TENM3: variants seen among roughly 807,000 people sequenced by gnomAD.
TENM3 encodes teneurin transmembrane protein 3.
A neutral mutation model predicts 255.1 loss-of-function variants in TENM3; 63 were observed. The ratio of observed to expected loss-of-function variants is 0.25; its 90% CI spans 0.20 to 0.30. The LOEUF is 0.30. TENM3 is among the 10% of genes least tolerant of loss of function. The pLI is 1.00. For missense variants in TENM3, 2,929 were observed against 3,461.1 expected, an observed-to-expected ratio of 0.85 and a Z score of 3.86; for synonymous variants, 1,306 against 1,322.3, an observed-to-expected ratio of 0.99 and a Z score of 0.27.
In TENM3 at chr4:182,630,507, C is replaced by T. The variant is rs1238064270; in HGVS notation, c.988+1618C>T. ...ATTTGAACTGAACAAGGAGAACACA[C>T]GGGCACAGGGAAGGGAACAAGACAC... On this transcript the variant is annotated intron_variant, in intron 5 of 27. Transcript: ENST00000511685. Among the ~76,000 whole-genome samples the T allele has an allele frequency of 2.6e-5, 4 of 152,136 alleles. No individual in the cohort carries two copies. In the South Asian group the frequency reaches 6.2e-4, roughly 24 times the overall value.
intron 11 of TENM3, among the ~76,000 whole-genome samples, chr4:182,684,650 A>G (rs920476154): frequency 3.0e-4 from 45 of 152,138 alleles, no homozygotes; most frequent in African/African-American, 1.0e-3. Context: ...AGTGTTAACC[A>G]TTAATAGACG....
the TENM3 span, among the ~76,000 whole-genome samples, chr4:181,715,722 CATTG>C: frequency 1.3e-5 from 2 of 152,212 alleles, no homozygotes; most frequent in East Asian, 1.9e-4. Flanking sequence ...TCCTATCAAT[CATTG>C]GGACAACAAA....
At chr4:181,633,200 C>T in the TENM3 span, among the ~76,000 whole-genome samples, 2,424 of 152,246 alleles carry the variant, frequency 0.016, 32 homozygotes, top group East Asian at 0.038. Context: ...AAACTTGCAA[C>T]GGTAGCCTCA....
chr4:182,075,196 T>TTTC, the TENM3 span, among the ~76,000 whole-genome samples: 1 of 111,386 alleles, frequency 9.0e-6, no homozygotes, highest in Non-Finnish European at 1.8e-5. Flanking sequence ...CACTTGTTTT[T>TTTC]TTTCTTTTTT....
chr4:182,203,769 G>T (rs1173094917), intron 1 of TENM3, among the ~76,000 whole-genome samples: 1 of 152,096 alleles, frequency 6.6e-6, no homozygotes, highest in Non-Finnish European at 1.5e-5. Context: ...CCTCATCGTG[G>T]GCACAGCCTC....
chr4:181,637,474 A>G, the TENM3 span, among the ~76,000 whole-genome samples: 1 of 152,222 alleles, frequency 6.6e-6, no homozygotes, highest in African/African-American at 2.4e-5. Flanking sequence ...TGACAGTGGC[A>G]AAACTCGTCA....
At chr4:181,704,713 C>G in the TENM3 span, among the ~76,000 whole-genome samples, 1 of 152,052 alleles carries the variant, frequency 6.6e-6, no homozygotes, top group Non-Finnish European at 1.5e-5. Context: ...TTGTTCTACA[C>G]TAGGTGATGG....
At chr4:181,514,939 T>C in the TENM3 span, among the ~76,000 whole-genome samples, 1 of 152,212 alleles carries the variant, frequency 6.6e-6, no homozygotes, top group African/African-American at 2.4e-5. Flanking sequence ...GTTATCCCTA[T>C]TTTATATGTC....
chr4:182,426,181 C>A (rs1771211155), intron 3 of TENM3, among the ~76,000 whole-genome samples: 1 of 152,042 alleles, frequency 6.6e-6, no homozygotes, highest in Non-Finnish European at 1.5e-5. Context: ...ATAAGTTCAG[C>A]TCTTGTGGAT....
the TENM3 span, among the ~76,000 whole-genome samples, chr4:181,995,473 AAT>A: frequency 6.6e-6 from 1 of 152,142 alleles, no homozygotes; most frequent in African/African-American, 2.4e-5. Flanking sequence ...TGGAAGCACA[AAT>A]ATTTTTCATT....
chr4:182,121,424 G>C, the TENM3 span, among the ~76,000 whole-genome samples: 1 of 152,136 alleles, frequency 6.6e-6, no homozygotes, highest in Admixed American at 6.5e-5. Flanking sequence ...AACGTTGGTG[G>C]CTAAGGATAA....
the TENM3 span, among the ~76,000 whole-genome samples, chr4:181,644,134 A>G: frequency 6.6e-6 from 1 of 152,028 alleles, no homozygotes; most frequent in Non-Finnish European, 1.5e-5. Context: ...GAACAAAGAC[A>G]AAGAGGCTAG....
chr4:182,784,714 G>C (rs1205207489), intron 24 of TENM3, among the ~76,000 whole-genome samples: 1 of 151,614 alleles, frequency 6.6e-6, no homozygotes, highest in Non-Finnish European at 1.5e-5. Context: ...AGACTCCGTG[G>C]GCGTAGGACC....
intron 12 of TENM3, among the ~76,000 whole-genome samples, chr4:182,698,793 A>G (rs766424902): frequency 2.6e-5 from 4 of 152,210 alleles, no homozygotes; most frequent in Admixed American, 1.3e-4. Flanking sequence ...GCGTGGTTTC[A>G]TATCAGACGG....
At chr4:182,674,280 A>G (rs995176429) in intron 7 of TENM3, among the ~76,000 whole-genome samples, 4 of 152,150 alleles carry the variant, frequency 2.6e-5, no homozygotes, top group Non-Finnish European at 2.9e-5. Context: ...AATTATGAAG[A>G]AAAGTTATCA....
intron 3 of TENM3, among the ~76,000 whole-genome samples, chr4:182,418,380 C>T (rs1770544332): frequency 6.6e-6 from 1 of 152,010 alleles, no homozygotes; most frequent in African/African-American, 2.4e-5. Flanking sequence ...TCGTAATGTC[C>T]TTTGCTTATT....
intron 24 of TENM3, among the ~76,000 whole-genome samples, chr4:182,786,224 T>C (rs1765643411): frequency 6.6e-6 from 1 of 152,066 alleles, no homozygotes; most frequent in Non-Finnish European, 1.5e-5. Flanking sequence ...TCTGGGTGTT[T>C]CGGTGTCGCC....
At chr4:182,578,187 G>A (rs1745128012) in intron 3 of TENM3, among the ~76,000 whole-genome samples, 1 of 152,068 alleles carries the variant, frequency 6.6e-6, no homozygotes, top group South Asian at 2.1e-4. Flanking sequence ...ATATTGGCCA[G>A]GCTGGTCTCA....
At chr4:182,788,060 T>C (rs73869827) in intron 24 of TENM3, among the ~76,000 whole-genome samples, 10,229 of 152,272 alleles carry the variant, frequency 0.067, 1,155 homozygotes, top group African/African-American at 0.23. Flanking sequence ...TGTGTGTGTG[T>C]GTAAAATTGG....
Sources: allele counts gnomAD v4.1 joint callset (sites outside exome capture counted in the v4.1 genomes callset), GRCh38; gene constraint gnomAD v4.1.1; transcripts MANE v1.5; gene names NCBI Gene and HGNC (gene_info 2026-07-23, HGNC 2026-07-21).